ROCK2: variants seen among roughly 807,000 people sequenced by gnomAD.
The protein encoded by ROCK2 is rho-associated protein kinase 2.
ROCK2 carries 61 observed loss-of-function variants against 195.1 expected under a neutral mutation model. That is an observed-to-expected ratio of 0.31 (90% CI 0.25 to 0.39). The LOEUF (loss-of-function observed/expected upper bound fraction) is 0.39. ROCK2 is among the 10% of genes least tolerant of loss of function. The pLI is 1.00. For synonymous variants in ROCK2, 504 were observed against 545.5 expected (o/e 0.92, Z 1.06); for missense variants, 1,109 against 1,637.4 (o/e 0.68, Z 5.57).
intron 9 of ROCK2, 59 bp downstream of exon 9, chr2:11,221,139 C>T: frequency 7.8e-7 from 1 of 1,281,202 alleles, no homozygotes; most frequent in South Asian, 1.8e-5. Context: ...CAAAATAACA[C>T]ATCATCTTAT....
At chr2:11,246,093 A>C (rs1320385507) in intron 4 of ROCK2, among the ~76,000 whole-genome samples, 2 of 152,190 alleles carry the variant, frequency 1.3e-5, no homozygotes, top group East Asian at 3.8e-4. Flanking sequence ...GACACTGAGC[A>C]CAAATAGCTG....
At position 11,192,131 on chromosome 2, in the gene ROCK2, A is replaced by C; in HGVS notation, c.4163+17T>G. The C allele has an allele frequency of 6.6e-7, 1 of 1,504,146 alleles. No individual in the cohort carries two copies. Among genetic ancestry groups the C allele is most frequent in the Non-Finnish European group, 9.0e-7 (1 of 1,110,214 alleles). 93.2% of individuals were successfully genotyped at this position (1,504,146 alleles called of 1,614,324 possible). A position where few individuals can be genotyped will look rare whatever the true frequency, so the allele number is the denominator to read the frequency against. On this transcript the variant is annotated intron_variant, in intron 32 of 32. Coordinates refer to ENST00000315872, the MANE Select transcript of ROCK2 (RefSeq NM_004850.5). This position sits in a 1 kb window ranked among gnomAD's most constrained non-coding sequence, Gnocchi z 5.0. ...AATAGACTTTTTTTTTTTCCTTACC[A>C]CATTTTAGTTTATTACCTAGGTTTG... is the stretch of plus-strand genomic sequence containing the variant.
intron 20 of ROCK2, among the ~76,000 whole-genome samples, chr2:11,205,930 G>A (rs1477215135): frequency 6.6e-6 from 1 of 152,088 alleles, no homozygotes; most frequent in African/African-American, 2.4e-5. Flanking sequence ...CCAACATGGT[G>A]AAACCCTATC....
chr2:11,320,707 G>T (rs13409112), intron 1 of ROCK2, among the ~76,000 whole-genome samples: 231 of 152,288 alleles, frequency 1.5e-3, no homozygotes, highest in African/African-American at 5.3e-3. Flanking sequence ...CAAGACACTG[G>T]ATATCAGGCA....
intron 9 of ROCK2, among the ~76,000 whole-genome samples, chr2:11,220,013 TTTG>T (rs146777252): frequency 0.042 from 6,430 of 151,800 alleles, 268 homozygotes; most frequent in Non-Finnish European, 0.06. Flanking sequence ...ATCTGGCTTT[TTTG>T]TTGTTGTTGT....
At chr2:11,187,292 G>A (rs72785474) in intron 32 of ROCK2, among the ~76,000 whole-genome samples, 6,538 of 152,232 alleles carry the variant, frequency 0.043, 278 homozygotes, top group Non-Finnish European at 0.06. Flanking sequence ...ACTGCCCAAC[G>A]TTGTAAACAG....
intron 20 of ROCK2, among the ~76,000 whole-genome samples, chr2:11,203,671 T>G (rs1663946389): frequency 6.6e-6 from 1 of 152,156 alleles, no homozygotes; most frequent in Non-Finnish European, 1.5e-5. Flanking sequence ...ACTCACTGGC[T>G]CTTAAACTTG....
chr2:11,283,509 C>T (rs1225265687), intron 3 of ROCK2, among the ~76,000 whole-genome samples: 2 of 136,810 alleles, frequency 1.5e-5, no homozygotes, highest in African/African-American at 2.7e-5. Context: ...TGCAGTGAGC[C>T]GAGATTGCGC....
intron 3 of ROCK2, among the ~76,000 whole-genome samples, chr2:11,256,265 T>C (rs1371742665): frequency 6.6e-6 from 1 of 151,100 alleles, no homozygotes; most frequent in East Asian, 1.9e-4. Flanking sequence ...TAGTGGGAGG[T>C]GACTGGATCA....
chr2:11,218,591 G>A (rs1220059089), intron 10 of ROCK2, 125 bp from the exon 11 acceptor site: 4 of 636,124 alleles, frequency 6.3e-6, no homozygotes, highest in African/African-American at 3.7e-5. Flanking sequence ...TAAGTTTGAA[G>A]AAAAAATGTT....
At position 11,344,054 on chromosome 2, in the gene ROCK2, C is replaced by A. The variant is rs1669199467; in HGVS notation, c.83G>T (p.Arg28Met). ...GTCTCGGATCAGCGCCTCCAGCTTC[C>A]TCTGGCGGCTCGCGCCTGCCCCGTC... is the stretch of plus-strand genomic sequence containing the variant. Reference protein sequence around the residue: ...PGDGAGASRQRKLEALIRDPR... With the variant: ...PGDGAGASRQMKLEALIRDPR... The change falls in exon 1 of 33, where the codon AGG becomes ATG. Residue 28 changes from arginine to methionine, a missense_variant. Transcript: ENST00000315872. The surrounding 1 kb of genome is among the most constrained non-coding windows in gnomAD (Gnocchi z 5.4). The A allele has an allele frequency of 3.2e-6, 5 of 1,586,390 alleles. No individual in the cohort carries two copies. The highest frequency in any genetic ancestry group is 3.4e-6 in the Non-Finnish European group (4 of 1,168,088).
chr2:11,344,450 C>T lies in ROCK2; in HGVS notation c.-314G>A. ...GCGAGTGCCCGCAGGAGTCCTCGGG[C>T]GGGAGCAGGGAAGTGGCGCCGCCAC... On this transcript the variant is annotated 5_prime_UTR_variant, in exon 1 of 33. Transcript: ENST00000315872. This position sits in a 1 kb window ranked among gnomAD's most constrained non-coding sequence, Gnocchi z 5.4. The T allele has an allele frequency of 9.7e-7, 1 of 1,025,904 alleles. No homozygotes were observed. The highest frequency in any genetic ancestry group is 1.2e-6 in the Non-Finnish European group (1 of 857,094). The allele number at this position is 1,025,904 out of a possible 1,614,324, so 63.6% of individuals were successfully genotyped here. A position where few individuals can be genotyped will look rare whatever the true frequency, so the allele number is the denominator to read the frequency against.
intron 3 of ROCK2, among the ~76,000 whole-genome samples, chr2:11,260,448 CAAAAAAA>C (rs35308782): frequency 1.1e-5 from 1 of 91,526 alleles, no homozygotes; most frequent in Non-Finnish European, 2.0e-5. Context: ...ACTCTGTCTC[CAAAAAAA>C]AAAAAAAAAA....
intron 1 of ROCK2, among the ~76,000 whole-genome samples, chr2:11,310,492 T>C (rs1327714802): frequency 6.6e-6 from 1 of 152,316 alleles, no homozygotes; most frequent in Non-Finnish European, 1.5e-5. Flanking sequence ...ACACAACTCA[T>C]TGACTCGTAG....
chr2:11,231,063 C>A (rs1019638715), intron 5 of ROCK2, among the ~76,000 whole-genome samples: 5 of 151,706 alleles, frequency 3.3e-5, no homozygotes, highest in African/African-American at 7.3e-5. Flanking sequence ...AAAATGCATA[C>A]CTTTTTTTAA....
intron 5 of ROCK2, among the ~76,000 whole-genome samples, chr2:11,229,497 G>A (rs1664925876): frequency 1.3e-5 from 2 of 151,304 alleles, no homozygotes; most frequent in Non-Finnish European, 2.9e-5. Flanking sequence ...TGGAGCAAGT[G>A]ACTCTTCTCT....
At chr2:11,215,235 G>A (rs1664385220) in intron 15 of ROCK2, 86 bp downstream of exon 15, 5 of 1,410,674 alleles carry the variant, frequency 3.5e-6, no homozygotes. Flanking sequence ...AGAGGTAAAG[G>A]CCTTTTGCAA....
intron 5 of ROCK2, among the ~76,000 whole-genome samples, chr2:11,232,381 G>A (rs919651524): frequency 6.6e-6 from 1 of 152,008 alleles, no homozygotes; most frequent in Admixed American, 6.6e-5. Flanking sequence ...TGCCCACCCT[G>A]GCCTCCCAAA....
chr2:11,257,250 G>A (rs777477398), intron 3 of ROCK2, among the ~76,000 whole-genome samples: 10 of 143,220 alleles, frequency 7.0e-5, no homozygotes, highest in Non-Finnish European at 9.0e-5. Context: ...ACGCCTCAGA[G>A]AAGAGCTTGT....
Sources: gnomAD v4.1 joint callset for allele counts (sites outside exome capture counted in the v4.1 genomes callset) on GRCh38, gnomAD v4.1.1 for gene constraint, Gnocchi (gnomAD v3.1) non-coding constraint, MANE v1.5 for transcripts, NCBI Gene and HGNC (gene_info 2026-07-23, HGNC 2026-07-21) for gene names.